Variants in DOCK4 observed in about 807,000 individuals in gnomAD.
DOCK4 encodes dedicator of cytokinesis 4.
DOCK4 carries 97 observed loss-of-function variants against 268.1 expected under a neutral mutation model. That is an observed-to-expected ratio of 0.36 (90% CI 0.31 to 0.43). The LOEUF is 0.43. Ranked by LOEUF, DOCK4 falls within the 20% of genes least tolerant of loss-of-function variation. DOCK4 has a pLI of 1.00. For missense variants in DOCK4, 2,145 were observed against 2,455.7 expected, an observed-to-expected ratio of 0.87 and a Z score of 2.67; for synonymous variants, 954 against 887.2, an observed-to-expected ratio of 1.08 and a Z score of -1.34.
chr7:111,874,255 TC>T (rs1321593561), intron 17 of DOCK4, among the ~76,000 whole-genome samples: 2 of 152,106 alleles, frequency 1.3e-5, no homozygotes, highest in African/African-American at 4.8e-5. Context: ...CTCTTTCCCT[TC>T]CTTTAAAGTG....
intron 1 of DOCK4, among the ~76,000 whole-genome samples, chr7:112,113,551 G>C (rs1221182562): frequency 6.6e-6 from 1 of 151,708 alleles, no homozygotes; most frequent in Non-Finnish European, 1.5e-5. Context: ...ATTCAATAAA[G>C]AATTTTTTAA....
intron 1 of DOCK4, among the ~76,000 whole-genome samples, chr7:112,137,934 A>C (rs995022434): frequency 1.3e-5 from 2 of 152,254 alleles, no homozygotes; most frequent in Admixed American, 1.3e-4. Context: ...AAGTATTTGC[A>C]TAGTGCTTAG....
At chr7:111,922,026 A>G (rs571616455) in intron 12 of DOCK4, among the ~76,000 whole-genome samples, 4 of 152,376 alleles carry the variant, frequency 2.6e-5, no homozygotes, top group Non-Finnish European at 5.9e-5. Context: ...TGACAAAGAC[A>G]TAACTGAGAA....
chr7:111,765,900 T>G (rs1797731595), intron 38 of DOCK4, among the ~76,000 whole-genome samples: 1 of 152,136 alleles, frequency 6.6e-6, no homozygotes, highest in South Asian at 2.1e-4. Context: ...AGACTAATAT[T>G]ACACTTAAAG....
intron 27 of DOCK4, 42 bp downstream of exon 27, chr7:111,822,320 C>G: frequency 6.6e-7 from 1 of 1,526,566 alleles, no homozygotes; most frequent in Non-Finnish European, 9.0e-7. Flanking sequence ...CCTTCTTCCT[C>G]TATACATTGA....
At chr7:111,777,030 G>A (rs534883137) in intron 36 of DOCK4, among the ~76,000 whole-genome samples, 42 of 152,048 alleles carry the variant, frequency 2.8e-4, no homozygotes, top group Non-Finnish European at 5.0e-4. Context: ...CATTTTCCAC[G>A]CTGGTCTGTA....
intron 1 of DOCK4, among the ~76,000 whole-genome samples, chr7:112,112,731 A>G (rs1364158566): frequency 4.6e-5 from 7 of 152,154 alleles, no homozygotes; most frequent in Non-Finnish European, 1.0e-4. Flanking sequence ...TTCTTTATAA[A>G]TTACCCAGCC....
chr7:112,155,373 CCA>C (rs2116440240), intron 1 of DOCK4, among the ~76,000 whole-genome samples: 1 of 152,162 alleles, frequency 6.6e-6, no homozygotes, highest in Non-Finnish European at 1.5e-5. Context: ...ATTTTGATTC[CCA>C]CTAATTCCTC....
At chr7:112,152,555 T>C (rs1039198284) in intron 1 of DOCK4, among the ~76,000 whole-genome samples, 5 of 152,218 alleles carry the variant, frequency 3.3e-5, no homozygotes, top group African/African-American at 9.6e-5. Context: ...AAAAAGGGTA[T>C]ATGCAGTAAA....
At chr7:111,842,096 G>A (rs564492826) in intron 25 of DOCK4, among the ~76,000 whole-genome samples, 93 of 152,222 alleles carry the variant, frequency 6.1e-4, no homozygotes, top group African/African-American at 2.0e-3. Flanking sequence ...CCTCTTCCAC[G>A]TTGAAAGTGT....
At chr7:111,913,592 G>T (rs911451625) in intron 13 of DOCK4, among the ~76,000 whole-genome samples, 1 of 151,498 alleles carries the variant, frequency 6.6e-6, no homozygotes, top group Non-Finnish European at 1.5e-5. Flanking sequence ...TGTATTTTTA[G>T]TAGAGATGGG....
At chr7:111,894,221 CA>C (rs10699402) in intron 16 of DOCK4, among the ~76,000 whole-genome samples, 24 of 139,960 alleles carry the variant, frequency 1.7e-4, no homozygotes, top group Middle Eastern at 3.7e-3. Flanking sequence ...GACTCCATCT[CA>C]AAAAAAAAAA....
At position 111,977,267 on chromosome 7, in the gene DOCK4, C is replaced by G; in HGVS notation, c.566G>C (p.Arg189Pro). Residue 189 changes from arginine (R) to proline (P), a missense_variant, in exon 8 of 53, where the codon CGG becomes CCG. Physicochemically the swap from Arg to Pro is moderately radical, Grantham distance 103. Around this residue, in one of 2 missense-constraint regions of DOCK4, gnomAD observed 1,598 missense variants for 1,986.7 expected, o/e 0.80. Coordinates refer to ENST00000428084, the MANE Select transcript of DOCK4 (RefSeq NM_001363540.2). ...ELYRLMEHRH[R>P]KKDTPVQASS... ...GGCCTGCACCGGGGTGTCTTTCTTC[C>G]GATGTCGATGTTCCATCTGAATGAC... 2 of 1,599,180 alleles carry G rather than the reference C, an allele frequency of 1.3e-6. No homozygotes were observed. Among genetic ancestry groups the G allele is most frequent in the East Asian group, 2.3e-5 (1 of 44,368 alleles).
At chr7:111,858,219 C>G (rs1341038523) in intron 23 of DOCK4, among the ~76,000 whole-genome samples, 1 of 152,188 alleles carries the variant, frequency 6.6e-6, no homozygotes, top group East Asian at 1.9e-4. Context: ...GTCCTTCTTT[C>G]TGTCTTCTCT....
chr7:111,744,856 G>A (rs1466365281), intron 44 of DOCK4, among the ~76,000 whole-genome samples: 12 of 152,152 alleles, frequency 7.9e-5, no homozygotes. Flanking sequence ...CTCTCTCCCT[G>A]TAGTATTAGG....
chr7:111,961,386 G>A (rs911418816), intron 8 of DOCK4, among the ~76,000 whole-genome samples: 9 of 152,140 alleles, frequency 5.9e-5, no homozygotes, highest in Non-Finnish European at 7.3e-5. Flanking sequence ...AAAGGGTCTC[G>A]GACAGCTGGC....
At chr7:112,056,637 C>T (rs888313152) in intron 1 of DOCK4, among the ~76,000 whole-genome samples, 1 of 152,132 alleles carries the variant, frequency 6.6e-6, no homozygotes, top group Non-Finnish European at 1.5e-5. Flanking sequence ...AGTGGATTTA[C>T]AAACAAGATT....
At chr7:112,052,074 C>A (rs1467437786) in intron 1 of DOCK4, among the ~76,000 whole-genome samples, 1 of 152,132 alleles carries the variant, frequency 6.6e-6, no homozygotes, top group Non-Finnish European at 1.5e-5. Flanking sequence ...CCCCCATATA[C>A]TTTAAATCAT....
At chr7:112,175,779 A>T (rs1371136665) in intron 1 of DOCK4, among the ~76,000 whole-genome samples, 1 of 151,862 alleles carries the variant, frequency 6.6e-6, no homozygotes, top group Non-Finnish European at 1.5e-5. Context: ...AATACTGCTA[A>T]AATGTGCATC....
Sources: gnomAD v4.1 joint callset for allele counts (sites outside exome capture counted in the v4.1 genomes callset) on GRCh38, gnomAD v4.1.1 for gene constraint, gnomAD v4.1.1 regional missense constraint, MANE v1.5 for transcripts, NCBI Gene and HGNC (gene_info 2026-07-23, HGNC 2026-07-21) for gene names.